ADGRB3: variants seen among roughly 807,000 people sequenced by gnomAD.
The protein encoded by ADGRB3 is adhesion G protein-coupled receptor B3.
Under a neutral mutation model 193.4 loss-of-function variants are expected in ADGRB3, and 37 were observed. The observed-to-expected ratio is 0.19, with a 90% CI of 0.15 to 0.25. The LOEUF (loss-of-function observed/expected upper bound fraction) is 0.25, where lower values mean the gene tolerates loss of function less well. ADGRB3 is among the 10% of genes least tolerant of loss of function. ADGRB3 has a pLI of 1.00. For synonymous variants in ADGRB3, 690 were observed against 644.2 expected, an observed-to-expected ratio of 1.07 and a Z score of -1.08; for missense variants, 1,637 against 1,852.9, an observed-to-expected ratio of 0.88 and a Z score of 2.14.
intron 17 of ADGRB3, among the ~76,000 whole-genome samples, chr6:69,107,564 T>C (rs1773249516): frequency 6.6e-6 from 1 of 152,192 alleles, no homozygotes; most frequent in African/African-American, 2.4e-5. Flanking sequence ...AAGTTAGACA[T>C]GTATTTTTAA....
At chr6:68,830,955 T>TAA (rs35545206) in intron 3 of ADGRB3, among the ~76,000 whole-genome samples, 58,766 of 145,380 alleles carry the variant, frequency 0.4, 12,650 homozygotes, top group Middle Eastern at 0.54. Flanking sequence ...CAGAACAACT[T>TAA]AAAAAAAAAA....
chr6:69,094,011 A>G (rs190753096), intron 17 of ADGRB3, among the ~76,000 whole-genome samples: 1 of 152,288 alleles, frequency 6.6e-6, no homozygotes, highest in Non-Finnish European at 1.5e-5. Flanking sequence ...AGAGTGATTG[A>G]CTGCAGGCTG....
At chr6:69,165,208 C>T (rs1394006627) in intron 17 of ADGRB3, among the ~76,000 whole-genome samples, 1 of 151,998 alleles carries the variant, frequency 6.6e-6, no homozygotes, top group African/African-American at 2.4e-5. Context: ...TAAAAGGCTT[C>T]GAACATTCTC....
chr6:68,802,589 A>G (rs989860846), intron 3 of ADGRB3, among the ~76,000 whole-genome samples: 6 of 152,174 alleles, frequency 3.9e-5, no homozygotes, highest in Admixed American at 6.5e-5. Context: ...TTCAAAGTGT[A>G]TGTGTTTACT....
chr6:68,879,213 CTTTTTTTT>C (rs529789046), intron 3 of ADGRB3, among the ~76,000 whole-genome samples: 2 of 91,906 alleles, frequency 2.2e-5, no homozygotes, highest in African/African-American at 4.9e-5. Flanking sequence ...CTTTTTGTCG[CTTTTTTTT>C]TTTTTTTTTT....
chr6:69,009,307 G>A (rs1301824037), intron 11 of ADGRB3, among the ~76,000 whole-genome samples: 1 of 152,098 alleles, frequency 6.6e-6, no homozygotes, highest in African/African-American at 2.4e-5. Context: ...GTATAACTGG[G>A]GAGGGGGGAG....
intron 17 of ADGRB3, among the ~76,000 whole-genome samples, chr6:69,090,205 A>G (rs750592754): frequency 9.9e-5 from 15 of 152,230 alleles, no homozygotes; most frequent in Non-Finnish European, 1.6e-4. Context: ...TATTTCAGTT[A>G]TGTGGGTTAT....
At chr6:69,236,385 C>T (rs1333272049) in intron 19 of ADGRB3, among the ~76,000 whole-genome samples, 2 of 151,756 alleles carry the variant, frequency 1.3e-5, no homozygotes, top group African/African-American at 4.8e-5. Flanking sequence ...AAAATATGTC[C>T]AGCTCTAGGA....
At chr6:69,137,739 G>A (rs1475915593) in intron 17 of ADGRB3, among the ~76,000 whole-genome samples, 1 of 152,170 alleles carries the variant, frequency 6.6e-6, no homozygotes, top group African/African-American at 2.4e-5. Flanking sequence ...TGAGGATGCA[G>A]TGGGCCAAGA....
intron 17 of ADGRB3, among the ~76,000 whole-genome samples, chr6:69,092,119 A>G (rs1582454243): frequency 6.6e-6 from 1 of 152,306 alleles, no homozygotes; most frequent in East Asian, 1.9e-4. Flanking sequence ...CACCTTTGTT[A>G]GCAAAGATTC....
At chr6:69,153,297 A>G (rs527738424) in intron 17 of ADGRB3, among the ~76,000 whole-genome samples, 1 of 152,288 alleles carries the variant, frequency 6.6e-6, no homozygotes, top group East Asian at 1.9e-4. Context: ...TCCTGCTTCT[A>G]AACACATACC....
intron 3 of ADGRB3, among the ~76,000 whole-genome samples, chr6:68,756,716 G>A (rs1469219051): frequency 1.3e-5 from 2 of 152,080 alleles, no homozygotes; most frequent in African/African-American, 4.8e-5. Context: ...TTGCTGTGAG[G>A]AACAGAGACT....
At chr6:69,017,689 G>C (rs1770136093) in intron 12 of ADGRB3, among the ~76,000 whole-genome samples, 1 of 151,876 alleles carries the variant, frequency 6.6e-6, no homozygotes, top group Non-Finnish European at 1.5e-5. Flanking sequence ...TAGATGCATA[G>C]ATGGACAGTT....
At chr6:69,190,087 T>A (rs1765156729) in intron 17 of ADGRB3, among the ~76,000 whole-genome samples, 2 of 152,112 alleles carry the variant, frequency 1.3e-5, no homozygotes. Context: ...TGATAATAAA[T>A]GGCTATGCTA....
chr6:68,941,663 G>A (rs531505427), intron 5 of ADGRB3, among the ~76,000 whole-genome samples: 3 of 141,826 alleles, frequency 2.1e-5, no homozygotes, highest in Admixed American at 6.7e-5. Flanking sequence ...GAGGAGAAAA[G>A]GTTTTTAAAA....
chr6:69,048,675 A>T (rs187754026), intron 14 of ADGRB3, among the ~76,000 whole-genome samples: 3 of 152,112 alleles, frequency 2.0e-5, no homozygotes, highest in Admixed American at 6.5e-5. Flanking sequence ...TTTCCATGCA[A>T]TGTCATTTTT....
At chr6:68,754,549 C>T (rs568654961) in intron 3 of ADGRB3, among the ~76,000 whole-genome samples, 6 of 152,204 alleles carry the variant, frequency 3.9e-5, no homozygotes, top group African/African-American at 1.2e-4. Context: ...TAACATAGCA[C>T]CTGATAGGTG....
In ADGRB3 at chr6:68,819,514, C is replaced by T. The variant is rs566635908; in HGVS notation, c.758-111045C>T. 9.9e-5 allele frequency among the ~76,000 whole-genome samples: 15 copies of T among 151,848 alleles called. No homozygotes were observed. The East Asian group carries it at 1.5e-3, about 16-fold the overall frequency. On this transcript the variant is annotated intron_variant, in intron 3 of 31. Transcript: ENST00000370598. ...TTCATTCATTCCCATAAATTGAGTA[C>T]GATTGATACCTCTAGGGACATGAAT...
intron 3 of ADGRB3, among the ~76,000 whole-genome samples, chr6:68,899,773 A>G (rs1019262116): frequency 6.6e-6 from 1 of 152,012 alleles, no homozygotes; most frequent in African/African-American, 2.4e-5. Context: ...TAAATATTGC[A>G]ATAATAAGAA....
Sources: allele counts gnomAD v4.1 joint callset (sites outside exome capture counted in the v4.1 genomes callset), GRCh38; gene constraint gnomAD v4.1.1; transcripts MANE v1.5; gene names NCBI Gene and HGNC (gene_info 2026-07-23, HGNC 2026-07-21).